Variants in POF1B observed in about 807,000 individuals in gnomAD.
POF1B encodes protein POF1B.
In POF1B, 53 loss-of-function variants were observed where a neutral mutation model predicts 55.3. The observed-to-expected ratio is 0.96, with a 90% confidence interval of 0.77 to 1.20. The LOEUF (loss-of-function observed/expected upper bound fraction) is 1.20, where lower values mean the gene tolerates loss of function less well. Ranked by LOEUF, POF1B falls within the 50% of genes most tolerant of loss-of-function variation. The probability of loss-of-function intolerance (pLI) is 0.00; values close to 1 mark genes in which losing one functional copy is unlikely to be tolerated. For missense variants in POF1B, 478 were observed against 420.5 expected (o/e 1.14, Z -1.20); for synonymous variants, 188 against 148.3 (o/e 1.27, Z -1.95).
At position 85,331,654 on chromosome X, in the gene POF1B, C is replaced by T. The variant is rs748220346; in HGVS notation, c.724-575G>A. Among the ~76,000 whole-genome samples, 35 of 110,521 alleles carry T rather than the reference C, an allele frequency of 3.2e-4. 1 individual carries two copies. Among genetic ancestry groups the T allele is most frequent in the Admixed American group, 2.9e-3 (30 of 10,408 alleles). On this transcript the variant is annotated intron_variant, in intron 6 of 16. Transcript: ENST00000262753. ...GTAAATTTCTGTTAGCTATAGTCTC[C>T]CCACAGTGTTATAGAACACTGGAAC...
In POF1B at chrX:85,314,523, C is replaced by T. The variant is rs758752255; in HGVS notation, c.883-17G>A. On this transcript the variant is annotated splice_polypyrimidine_tract_variant and intron_variant, in intron 8 of 16. Transcript: ENST00000262753. Reference sequence around the variant, plus strand: ...GTCTTCCGACTGTAAGAAAAAAAGGCTTATCCATGGAACAGATACATATCA... The same window carrying T: ...GTCTTCCGACTGTAAGAAAAAAAGGTTTATCCATGGAACAGATACATATCA... 1 of 1,148,993 alleles carries T rather than the reference C, an allele frequency of 8.7e-7. No individual in the cohort carries two copies. The highest frequency in any genetic ancestry group is 1.2e-6 in the Non-Finnish European group (1 of 852,053). The allele number at this position is 1,148,993 out of a possible 1,213,427, so 94.7% of individuals were successfully genotyped here.
At chrX:85,360,527 G>GTATATATATATATATATATA (rs142665633) in intron 3 of POF1B, among the ~76,000 whole-genome samples, 6 of 58,516 alleles carry the variant, frequency 1.0e-4, no homozygotes, top group African/African-American at 6.3e-4. Context: ...TCCATGGTAT[G>GTATATATATATATATATATA]TATATATATA....
chrX:85,328,171 TA>T (rs1454660512), intron 7 of POF1B, among the ~76,000 whole-genome samples: 2 of 69,426 alleles, frequency 2.9e-5, no homozygotes, highest in African/African-American at 1.2e-4. Context: ...ATATCTTTTT[TA>T]TTTATTTATT....
At chrX:85,300,962 C>A (rs1046589594) in intron 15 of POF1B, among the ~76,000 whole-genome samples, 16 of 111,556 alleles carry the variant, frequency 1.4e-4, no homozygotes, top group African/African-American at 5.2e-4. Context: ...CAAAGAAGGT[C>A]CGTTGAGTTT....
At chrX:85,312,925 C>G (rs1453537425) in intron 9 of POF1B, among the ~76,000 whole-genome samples, 1 of 111,332 alleles carries the variant, frequency 9.0e-6, no homozygotes, top group East Asian at 2.8e-4. Flanking sequence ...GTATTTTATT[C>G]TCTTTGTAGC....
intron 1 of POF1B, 23 bp downstream of exon 1, chrX:85,379,616 T>G: frequency 1.9e-6 from 1 of 532,629 alleles, no homozygotes. Flanking sequence ...CCAATAGTGG[T>G]GCCGGGAAGA....
intron 7 of POF1B, 36 bp from the exon 8 acceptor site, chrX:85,315,770 A>T (rs1369775548): frequency 9.0e-7 from 1 of 1,113,948 alleles, no homozygotes; most frequent in Admixed American, 2.7e-5. Context: ...CAACTTTAGG[A>T]AAAGGTATTC....
chrX:85,284,374 C>T (rs1931985386), intron 15 of POF1B, among the ~76,000 whole-genome samples: 1 of 111,502 alleles, frequency 9.0e-6, no homozygotes, highest in Admixed American at 9.6e-5. Context: ...AAGAAAAAAG[C>T]CGGAGGCATC....
At chrX:85,312,448 T>C (rs1384840486) in intron 9 of POF1B, among the ~76,000 whole-genome samples, 3 of 111,790 alleles carry the variant, frequency 2.7e-5, no homozygotes, top group African/African-American at 9.8e-5. Flanking sequence ...TCCCCATTGC[T>C]TGTTTTTGTA....
chrX:85,282,071 C>A, intron 16 of POF1B, 132 bp downstream of exon 16: 1 of 826,261 alleles, frequency 1.2e-6, no homozygotes, highest in Non-Finnish European at 1.6e-6. Context: ...CACTGTATAT[C>A]AATAATGGAA....
At chrX:85,300,694 A>G (rs1202865342) in intron 15 of POF1B, among the ~76,000 whole-genome samples, 1 of 112,151 alleles carries the variant, frequency 8.9e-6, no homozygotes, top group Non-Finnish European at 1.9e-5. Context: ...CATGGAAAAA[A>G]TCACTTGAAA....
rs183368487 is a variant in POF1B at position 85,359,934 on chromosome X, T to C, written c.358-304A>G. 9.6e-4 allele frequency among the ~76,000 whole-genome samples: 106 copies of C among 109,980 alleles called. 1 individual carries two copies. The highest frequency in any genetic ancestry group is 3.2e-3 in the African/African-American group (96 of 30,363). ...ATTGTAAATGATTACAAGAAAATAA[T>C]ACCTCAATAGTTGATGAATTAAACC... is the stretch of plus-strand genomic sequence containing the variant. On this transcript the variant is annotated intron_variant, in intron 3 of 16. Transcript: ENST00000262753.
intron 7 of POF1B, among the ~76,000 whole-genome samples, chrX:85,319,273 G>A (rs964875456): frequency 9.0e-6 from 1 of 111,393 alleles, no homozygotes; most frequent in South Asian, 3.7e-4. Flanking sequence ...TTTGGGCAGA[G>A]ACTATGGAGT....
chrX:85,361,362 A>C (rs1302391992), intron 3 of POF1B, among the ~76,000 whole-genome samples: 1 of 111,853 alleles, frequency 8.9e-6, no homozygotes, highest in Non-Finnish European at 1.9e-5. Flanking sequence ...GACTGTAATC[A>C]GTCAATCTTG....
At chrX:85,319,390 G>A (rs187235464) in intron 7 of POF1B, among the ~76,000 whole-genome samples, 48 of 110,773 alleles carry the variant, frequency 4.3e-4, no homozygotes, top group Non-Finnish European at 7.0e-4. Context: ...CTCTGGCTGG[G>A]ACTTCCAGTG....
At chrX:85,294,043 GA>G (rs1932255721) in intron 15 of POF1B, among the ~76,000 whole-genome samples, 1 of 111,436 alleles carries the variant, frequency 9.0e-6, no homozygotes, top group African/African-American at 3.3e-5. Flanking sequence ...AAGAATTAAA[GA>G]AAATGCTACT....
At chrX:85,325,037 G>A (rs780196922) in intron 7 of POF1B, among the ~76,000 whole-genome samples, 7 of 111,916 alleles carry the variant, frequency 6.3e-5, no homozygotes, top group Non-Finnish European at 1.3e-4. Context: ...CTTTTGGCTT[G>A]TAGGATTTCT....
At chrX:85,370,938 C>T (rs1475552893) in intron 2 of POF1B, among the ~76,000 whole-genome samples, 2 of 111,890 alleles carry the variant, frequency 1.8e-5, no homozygotes, top group African/African-American at 3.3e-5. Context: ...CATGTTGAAA[C>T]TATTAAATTC....
intron 7 of POF1B, 66 bp from the exon 8 acceptor site, chrX:85,315,800 T>C: frequency 1.2e-6 from 1 of 834,878 alleles, no homozygotes; most frequent in Non-Finnish European, 1.7e-6. Flanking sequence ...ATATAAATGC[T>C]AGTTTTCTAT....
Sources: allele counts gnomAD v4.1 joint callset (sites outside exome capture counted in the v4.1 genomes callset), GRCh38; gene constraint gnomAD v4.1.1; transcripts MANE v1.5; gene names NCBI Gene and HGNC (gene_info 2026-07-23, HGNC 2026-07-21).